Variants in SUN5 observed in about 807,000 individuals in gnomAD.
SUN5 encodes SUN domain-containing protein 5.
A neutral mutation model predicts 53.7 loss-of-function variants in SUN5; 44 were observed. The observed-to-expected ratio is 0.82, with a 90% CI of 0.64 to 1.05. SUN5 has a LOEUF of 1.05. Among genes scored for constraint, SUN5 ranks in the 50% least tolerant of loss-of-function variants. SUN5 has a pLI of 0.00. For missense variants in SUN5, 433 were observed against 483.8 expected (o/e 0.90, Z 0.98); for synonymous variants, 166 against 179.8 (o/e 0.92, Z 0.62).
At chr20:33,001,142 A>G in intron 4 of SUN5, 70 bp downstream of exon 4, 2 of 1,505,864 alleles carry the variant, frequency 1.3e-6, no homozygotes, top group Non-Finnish European at 1.8e-6. Context: ...AAACTGATGG[A>G]GGGGCTGTTA....
intron 5 of SUN5, among the ~76,000 whole-genome samples, chr20:32,998,629 G>A (rs1033365888): frequency 5.9e-5 from 9 of 152,148 alleles, no homozygotes; most frequent in African/African-American, 1.7e-4. Context: ...AAGACTGGGC[G>A]CTTTTCCCCT....
At chr20:32,989,252 G>A (rs184962499) in intron 9 of SUN5, among the ~76,000 whole-genome samples, 2 of 152,346 alleles carry the variant, frequency 1.3e-5, no homozygotes, top group East Asian at 3.9e-4. Context: ...CTGCGGGTTG[G>A]AGATGGCTCT....
Position 32,997,353 on chromosome 20 carries a change from A to G in SUN5, c.390+285T>C, listed in dbSNP as rs556534146. On this transcript the variant is annotated intron_variant, in intron 6 of 12. Transcript: ENST00000356173. ...ATGTGTTCCCTGTTATCACCACCCCACTTTAAGTGGGGCCTTGAGAAAGGA... is the reference window on the plus strand; with the variant it reads ...ATGTGTTCCCTGTTATCACCACCCCGCTTTAAGTGGGGCCTTGAGAAAGGA... Among the ~76,000 whole-genome samples, 20 of 152,246 alleles carry G rather than the reference A, an allele frequency of 1.3e-4. No individual in the cohort carries two copies. In the South Asian group the frequency reaches 4.0e-3, roughly 30 times the overall value.
chr20:33,004,253 G>T lies in SUN5; in HGVS notation c.77+11C>A. 6.4e-7 allele frequency: 1 copy of T among 1,557,512 alleles called. No individual in the cohort carries two copies. The highest frequency in any genetic ancestry group is 2.4e-5 in the East Asian group (1 of 41,800). Reference sequence around the variant, plus strand: ...AAAGGGCTGGGCAAAGGGAGGGGCTGCCATCCTCACCTCCGGGGTCTGGGA... The same window carrying T: ...AAAGGGCTGGGCAAAGGGAGGGGCTTCCATCCTCACCTCCGGGGTCTGGGA... On this transcript the variant is annotated intron_variant, in intron 1 of 12. Coordinates refer to ENST00000356173, the MANE Select transcript of SUN5 (RefSeq NM_080675.4).
chr20:33,002,450 A>G (rs927215465), intron 3 of SUN5, 137 bp downstream of exon 3: 1 of 781,316 alleles, frequency 1.3e-6, no homozygotes, highest in Non-Finnish European at 2.2e-6. Flanking sequence ...GTAGAACTCC[A>G]GAGTTCAACC....
intron 1 of SUN5, 42 bp from the exon 2 acceptor site, chr20:33,002,961 G>A (rs779495085): frequency 3.7e-6 from 6 of 1,608,742 alleles, no homozygotes; most frequent in Non-Finnish European, 5.1e-6. Context: ...ACAATTATGA[G>A]GAACATAGTG....
At chr20:33,001,641 T>TCCTCCCCC (rs1568971144) in intron 3 of SUN5, among the ~76,000 whole-genome samples, 1 of 67,516 alleles carries the variant, frequency 1.5e-5, no homozygotes, top group South Asian at 4.7e-4. Flanking sequence ...TTCTTTCTTT[T>TCCTCCCCC]CCTCCCTCCC....
chr20:32,990,751 G>A (rs147306768), intron 8 of SUN5, among the ~76,000 whole-genome samples: 206 of 152,262 alleles, frequency 1.4e-3, no homozygotes, highest in African/African-American at 4.9e-3. Flanking sequence ...CCCAGATGTA[G>A]AGTCACCTCC....
In SUN5 at chr20:32,987,020, G is replaced by A. The variant is rs1600489122; in HGVS notation, c.729+640C>T. 3.3e-5 allele frequency among the ~76,000 whole-genome samples: 5 copies of A among 152,364 alleles called. No individual in the cohort carries two copies. The South Asian group carries it at 1.0e-3, about 32-fold the overall frequency. On this transcript the variant is annotated intron_variant, in intron 10 of 12. Coordinates refer to ENST00000356173, the MANE Select transcript of SUN5 (RefSeq NM_080675.4). ...TCCTTAAGGTAGAACCCACGGATGA[G>A]TGGCCTGTGACCTTTTGGCATCACC...
rs1005056008 is a variant in SUN5, at chr20:32,983,956, G to A, written c.985-7C>T. On this transcript the variant is annotated splice_polypyrimidine_tract_variant and splice_region_variant and intron_variant, in intron 12 of 12. Coordinates refer to ENST00000356173, the MANE Select transcript of SUN5 (RefSeq NM_080675.4). ...AAGCCCGGGCCGGCTGGTTCTGGAA[G>A]AGAATCAGTCACAGAGGCAGCTCAC... 1 of 1,565,104 alleles carries A rather than the reference G, an allele frequency of 6.4e-7. No individual in the cohort carries two copies.
intron 2 of SUN5, 97 bp downstream of exon 2, chr20:33,002,764 G>T (rs1000771374): frequency 1.3e-6 from 2 of 1,594,798 alleles, no homozygotes; most frequent in Non-Finnish European, 1.7e-6. Flanking sequence ...CCCTGCCCCT[G>T]CCCCTTGCTG....
At chr20:32,985,068 G>A in intron 12 of SUN5, 31 bp downstream of exon 12, 4 of 1,610,628 alleles carry the variant, frequency 2.5e-6, no homozygotes, top group East Asian at 2.2e-5. Context: ...CATTCAGCAG[G>A]TGCTCAGCAC....
intron 3 of SUN5, 118 bp from the exon 4 acceptor site, chr20:33,001,396 T>G: frequency 1.7e-6 from 2 of 1,147,946 alleles, no homozygotes; most frequent in Non-Finnish European, 2.5e-6. Context: ...CCTCTCGACT[T>G]GTTGGCCGAG....
chr20:32,985,647 T>G (rs1989516253), intron 11 of SUN5, 89 bp downstream of exon 11: 2 of 1,502,770 alleles, frequency 1.3e-6, no homozygotes, highest in Non-Finnish European at 1.8e-6. Context: ...GCAAGTGTTG[T>G]GCAGACACTG....
At chr20:33,001,641 T>TTCTCCCTCCCTCCCTCCCTC (rs1990040530) in intron 3 of SUN5, among the ~76,000 whole-genome samples, 1 of 67,446 alleles carries the variant, frequency 1.5e-5, no homozygotes, top group Non-Finnish European at 3.1e-5. Context: ...TTCTTTCTTT[T>TTCTCCCTCCCTCCCTCCCTC]CCTCCCTCCC....
At chr20:32,995,221 G>T (rs1039021533) in intron 8 of SUN5, among the ~76,000 whole-genome samples, 1 of 152,058 alleles carries the variant, frequency 6.6e-6, no homozygotes, top group Non-Finnish European at 1.5e-5. Flanking sequence ...GTTATATGAG[G>T]AACATTAGAG....
At position 32,986,037 on chromosome 20, in the gene SUN5, C is replaced by A; in HGVS notation, c.730-134G>T. Reference sequence around the variant, plus strand: ...TCTCCAAAGCTTGGCTCAAGTGCCACCCCCTCCAGGAAGCTCTCCTGACTA... The same window carrying A: ...TCTCCAAAGCTTGGCTCAAGTGCCAACCCCTCCAGGAAGCTCTCCTGACTA... On this transcript the variant is annotated intron_variant, in intron 10 of 12. Coordinates refer to ENST00000356173, the MANE Select transcript of SUN5 (RefSeq NM_080675.4). 6.0e-6 allele frequency: 6 copies of A among 995,732 alleles called. No individual in the cohort carries two copies. In the South Asian group the frequency reaches 8.4e-5, roughly 14 times the overall value. The allele number at this position is 995,732 out of a possible 1,614,324, so 61.7% of individuals were successfully genotyped here. A position where few individuals can be genotyped will look rare whatever the true frequency, so the allele number is the denominator to read the frequency against.
rs752635732 is a variant in SUN5 at position 32,995,622 on chromosome 20, A to T, written c.531T>A (p.Asp177Glu). 7 of 1,613,872 alleles carry T rather than the reference A, an allele frequency of 4.3e-6. No homozygotes were observed. Among genetic ancestry groups the T allele is most frequent in the Non-Finnish European group, 5.9e-6 (7 of 1,179,842 alleles). The stretch of plus-strand genomic sequence containing the variant: ...GGCAGAATGGCCAGCGTCTCACCTC[A>T]TCGGACATGGCTTCCATCTCCTGGA... Reference protein sequence around the residue: ...AKLQEMEAMSDEQKMAQKIMK... With the variant: ...AKLQEMEAMSEEQKMAQKIMK... Residue 177 changes from aspartate to glutamate, a missense_variant, in exon 8 of 13, where the codon GAT becomes GAA. Coordinates refer to ENST00000356173, the MANE Select transcript of SUN5 (RefSeq NM_080675.4).
intron 8 of SUN5, among the ~76,000 whole-genome samples, chr20:32,992,080 T>A (rs1005544106): frequency 1.3e-5 from 2 of 152,170 alleles, no homozygotes; most frequent in Non-Finnish European, 2.9e-5. Context: ...AGATAGTTTT[T>A]TCCAGTCTGC....
Sources: allele counts gnomAD v4.1 joint callset (sites outside exome capture counted in the v4.1 genomes callset), GRCh38; gene constraint gnomAD v4.1.1; transcripts MANE v1.5; gene names NCBI Gene and HGNC (gene_info 2026-07-23, HGNC 2026-07-21).